EPS8: variants seen among roughly 807,000 people sequenced by gnomAD.
EPS8 encodes epidermal growth factor receptor kinase substrate 8.
EPS8 carries 42 observed loss-of-function variants against 103.8 expected under a neutral mutation model. The observed-to-expected ratio is 0.40, with a 90% CI of 0.32 to 0.52. The LOEUF (loss-of-function observed/expected upper bound fraction) is 0.52, where lower values mean the gene tolerates loss of function less well. Among genes scored for constraint, EPS8 ranks in the 20% least tolerant of loss-of-function variants. The probability of loss-of-function intolerance (pLI) is 0.40; values close to 1 mark genes in which losing one functional copy is unlikely to be tolerated. For missense variants in EPS8, 969 were observed against 1,005.1 expected, an observed-to-expected ratio of 0.96 and a Z score of 0.49; for synonymous variants, 344 against 344.6, an observed-to-expected ratio of 1.00 and a Z score of 0.02.
Position 15,682,885 on chromosome 12 carries a change from C to G in EPS8, c.59+8G>C. Reference sequence around the variant, plus strand: ...CAAAACATATTAAATATAAACTTTTCAACTTACTTCATCTGAGATGGGTAC... The same window carrying G: ...CAAAACATATTAAATATAAACTTTTGAACTTACTTCATCTGAGATGGGTAC... On this transcript the variant is annotated splice_region_variant and intron_variant, in intron 2 of 20. Coordinates refer to ENST00000281172, the MANE Select transcript of EPS8 (RefSeq NM_004447.6). The G allele has an allele frequency of 1.4e-6, 2 of 1,420,876 alleles. No individual in the cohort carries two copies. The highest frequency in any genetic ancestry group is 2.0e-6 in the Non-Finnish European group (2 of 1,018,176). 88.0% of individuals were successfully genotyped at this position (1,420,876 alleles called of 1,614,324 possible).
At chr12:15,655,905 A>G (rs1945499821) in intron 12 of EPS8, among the ~76,000 whole-genome samples, 1 of 152,208 alleles carries the variant, frequency 6.6e-6, no homozygotes, top group Non-Finnish European at 1.5e-5. Flanking sequence ...TCCCTCGTCC[A>G]AGTAAAATGT....
At chr12:15,712,058 T>C (rs2417472) in intron 1 of EPS8, among the ~76,000 whole-genome samples, 143,650 of 152,220 alleles carry the variant, frequency 0.94, 68,336 homozygotes, top group East Asian at 1. Flanking sequence ...TTAAATGTAA[T>C]AAATCAATAA....
At position 15,731,442 on chromosome 12, in the gene EPS8, T is replaced by TTA. The variant is rs1946715307; in HGVS notation, c.-21-48471_-21-48470insTA. On this transcript the variant is annotated intron_variant, in intron 1 of 20. Transcript: ENST00000281172. This position sits in a 1 kb window ranked among gnomAD's most constrained non-coding sequence, Gnocchi z 5.1. ...GATTCCCAAAAGCTGGGATTACAGGTGCCTGCCACCACGCCTGGCTAATTT... is the reference window on the plus strand; with the variant it reads ...GATTCCCAAAAGCTGGGATTACAGGTTAGCCTGCCACCACGCCTGGCTAATTT... 6.6e-6 allele frequency among the ~76,000 whole-genome samples: 1 copy of TTA among 152,060 alleles called. No individual in the cohort carries two copies. The highest frequency in any genetic ancestry group is 1.5e-5 in the Non-Finnish European group (1 of 67,984).
chr12:15,739,212 T>G (rs982490677), intron 1 of EPS8, among the ~76,000 whole-genome samples: 1 of 152,158 alleles, frequency 6.6e-6, no homozygotes, highest in Admixed American at 6.5e-5. Flanking sequence ...AAAAAATGTT[T>G]AAAGTCCCAA....
intron 18 of EPS8, among the ~76,000 whole-genome samples, chr12:15,624,637 T>C (rs529746898): frequency 4.4e-4 from 67 of 152,302 alleles, no homozygotes; most frequent in Non-Finnish European, 7.6e-4. Flanking sequence ...AAAACCCCAA[T>C]CCTGGTTAAA....
intron 1 of EPS8, among the ~76,000 whole-genome samples, chr12:15,694,689 T>C (rs1371834110): frequency 6.6e-6 from 1 of 152,202 alleles, no homozygotes; most frequent in Non-Finnish European, 1.5e-5. Context: ...AAATTCAAGT[T>C]GCCTATAAAA....
intron 1 of EPS8, among the ~76,000 whole-genome samples, chr12:15,740,699 A>G (rs1053840670): frequency 2.6e-5 from 4 of 152,138 alleles, no homozygotes; most frequent in African/African-American, 4.8e-5. Context: ...AAAGAATAAG[A>G]CAGTCTCTCC....
At chr12:15,740,474 G>A (rs958168255) in intron 1 of EPS8, among the ~76,000 whole-genome samples, 13 of 152,096 alleles carry the variant, frequency 8.5e-5, no homozygotes, top group Admixed American at 5.9e-4. Context: ...GAACCCAGAA[G>A]GCGTAGGTTG....
chr12:15,625,619 A>C (rs1944931888), intron 18 of EPS8, among the ~76,000 whole-genome samples: 2 of 152,126 alleles, frequency 1.3e-5, no homozygotes, highest in African/African-American at 2.4e-5. Flanking sequence ...TATCTTATTT[A>C]ACCTATCAGC....
chr12:15,652,201 G>A (rs1486551900), intron 13 of EPS8, among the ~76,000 whole-genome samples: 4 of 152,124 alleles, frequency 2.6e-5, no homozygotes, highest in African/African-American at 7.2e-5. Flanking sequence ...TCCATTAAGC[G>A]AAATAAGCTC....
rs542988572 is a variant in EPS8 at position 15,738,084 on chromosome 12, G to A, written c.-22+51077C>T. On this transcript the variant is annotated intron_variant, in intron 1 of 20. Transcript: ENST00000281172. This position sits in a 1 kb window ranked among gnomAD's most constrained non-coding sequence, Gnocchi z 6.2. ...ATTTTAATTTTGTATATAAACTACC[G>A]AAATAGATATATTTCCTAGTGTTAT... 5.3e-5 allele frequency among the ~76,000 whole-genome samples: 8 copies of A among 152,120 alleles called. No individual in the cohort carries two copies. In the South Asian group the frequency reaches 8.3e-4, roughly 16 times the overall value.
rs1947237239 is a variant in EPS8 at position 15,779,315 on chromosome 12, G to A, written c.-22+9846C>T. Among the ~76,000 whole-genome samples the A allele has an allele frequency of 1.3e-5, 2 of 152,294 alleles. No homozygotes were observed. The highest frequency in any genetic ancestry group is 2.1e-4 in the South Asian group (1 of 4,826). On this transcript the variant is annotated intron_variant, in intron 1 of 20. Transcript: ENST00000281172. The surrounding 1 kb of genome is among the most constrained non-coding windows in gnomAD (Gnocchi z 4.3). ...CTTTTCACTAGCAAAGCAGTTAAAAGTATCTTCTATCTCTATCATCAAAAG... is the reference window on the plus strand; with the variant it reads ...CTTTTCACTAGCAAAGCAGTTAAAAATATCTTCTATCTCTATCATCAAAAG...
At chr12:15,770,641 G>C (rs547877802) in intron 1 of EPS8, among the ~76,000 whole-genome samples, 59 of 152,300 alleles carry the variant, frequency 3.9e-4, no homozygotes, top group African/African-American at 1.3e-3. Context: ...AAATCTGTGA[G>C]ATGTTAAAGA....
intron 17 of EPS8, among the ~76,000 whole-genome samples, chr12:15,637,380 G>C (rs112133457): frequency 6.6e-6 from 1 of 152,234 alleles, no homozygotes; most frequent in African/African-American, 2.4e-5. Context: ...CACAGCACAG[G>C]CTCTGGATCC....
chr12:15,709,462 C>A (rs1167125728), intron 1 of EPS8, among the ~76,000 whole-genome samples: 1 of 152,058 alleles, frequency 6.6e-6, no homozygotes, highest in Non-Finnish European at 1.5e-5. Flanking sequence ...AACTGTAAAG[C>A]ATAAAGAAGA....
chr12:15,654,115 C>T, intron 13 of EPS8, 30 bp downstream of exon 13: 1 of 1,600,758 alleles, frequency 6.2e-7, no homozygotes, highest in South Asian at 1.1e-5. Context: ...AAGAATGGTA[C>T]TTAAGGCATT....
Position 15,624,220 on chromosome 12 carries a change from G to T in EPS8, c.2225+7C>A. The T allele has an allele frequency of 6.2e-7, 1 of 1,610,872 alleles. No individual in the cohort carries two copies. Among genetic ancestry groups the T allele is most frequent in the African/African-American group, 1.3e-5 (1 of 74,976 alleles). ...CAGAATTGCAAAGTATTCACAGAGA[G>T]ACTCACACAGGGTTGAATCCCTTTG... On this transcript the variant is annotated splice_region_variant and intron_variant, in intron 19 of 20. Coordinates refer to ENST00000281172, the MANE Select transcript of EPS8 (RefSeq NM_004447.6).
At chr12:15,624,188 G>A (rs759306268) in intron 19 of EPS8, 39 bp downstream of exon 19, 1 of 1,534,324 alleles carries the variant, frequency 6.5e-7, no homozygotes, top group Non-Finnish European at 9.0e-7. Flanking sequence ...AATGCATGTT[G>A]TACACACAGA....
chr12:15,631,791 T>C (rs138794194), intron 17 of EPS8, 127 bp from the exon 18 acceptor site: 7 of 673,778 alleles, frequency 1.0e-5, no homozygotes, highest in South Asian at 2.0e-5. Context: ...TACTCATTTA[T>C]CTGTAATCCT....
Sources: allele counts gnomAD v4.1 joint callset (sites outside exome capture counted in the v4.1 genomes callset), GRCh38; gene constraint gnomAD v4.1.1; non-coding constraint Gnocchi (gnomAD v3.1); transcripts MANE v1.5; gene names NCBI Gene and HGNC (gene_info 2026-07-23, HGNC 2026-07-21).